The following NAV1 variants were observed in gnomAD, a reference collection of about 807,000 sequenced individuals.
The protein encoded by NAV1 is pore membrane and/or filament interacting like protein 3.
In NAV1, 18 loss-of-function variants were observed where a neutral mutation model predicts 175.2. The observed-to-expected ratio is 0.10, with a 90% confidence interval of 0.07 to 0.15. The LOEUF is 0.15. Among genes scored for constraint, NAV1 ranks in the 10% least tolerant of loss-of-function variants. NAV1 has a pLI of 1.00. For synonymous variants in NAV1, 897 were observed against 978.7 expected, an observed-to-expected ratio of 0.92 and a Z score of 1.56; for missense variants, 1,731 against 2,436.6, an observed-to-expected ratio of 0.71 and a Z score of 6.10.
intron 1 of NAV1, among the ~76,000 whole-genome samples, chr1:201,567,969 T>A (rs934442864): frequency 2.0e-5 from 3 of 152,142 alleles, no homozygotes; most frequent in Non-Finnish European, 4.4e-5. Flanking sequence ...CAGCTGTGTG[T>A]CCAGCTGTGT....
intron 3 of NAV1, among the ~76,000 whole-genome samples, chr1:201,752,993 G>T (rs369961508): frequency 7.3e-5 from 11 of 151,612 alleles, no homozygotes; most frequent in African/African-American, 2.7e-4. Flanking sequence ...AAAGAATGTA[G>T]GGGTAGTTTT....
exon 7 of NAV1, chr1:201,783,718 G>T (rs1282297520): frequency 6.2e-7 from 1 of 1,614,174 alleles, no homozygotes. Context: ...CCCTCCAGAT[G>T]CCAATGAGCC....
chr1:201,752,013 AT>A (rs1674139830), intron 3 of NAV1, among the ~76,000 whole-genome samples: 1 of 152,194 alleles, frequency 6.6e-6, no homozygotes, highest in South Asian at 2.1e-4. Flanking sequence ...GTCTTTCACA[AT>A]GCATTAGCTG....
At chr1:201,659,314 G>T (rs141558391) in intron 1 of NAV1, among the ~76,000 whole-genome samples, 2 of 152,198 alleles carry the variant, frequency 1.3e-5, no homozygotes, top group Non-Finnish European at 2.9e-5. Context: ...AGTTTTAAAG[G>T]AATATTTATA....
At position 201,765,874 on chromosome 1, in the gene NAV1, C is replaced by G. The variant is rs1280064253; in HGVS notation, c.1227-14547C>G. ...TGTAACCAGTCTGTAGGATTTAAAT[C>G]TGAATTTGGGCTTCCCTAGCTATGG... On this transcript the variant is annotated intron_variant, in intron 3 of 29. Coordinates refer to ENST00000367296, the Ensembl canonical transcript of NAV1. Among the ~76,000 whole-genome samples the G allele has an allele frequency of 3.3e-5, 5 of 152,270 alleles. No homozygotes were observed. The South Asian group carries it at 6.2e-4, about 19-fold the overall frequency.
At chr1:201,603,657 C>T (rs1210495238) in intron 2 of NAV1, among the ~76,000 whole-genome samples, 1 of 152,178 alleles carries the variant, frequency 6.6e-6, no homozygotes, top group Non-Finnish European at 1.5e-5. Context: ...AGTAGCCCCA[C>T]TCCAGACAGT....
At chr1:201,752,141 C>T (rs563061979) in intron 3 of NAV1, among the ~76,000 whole-genome samples, 1 of 152,136 alleles carries the variant, frequency 6.6e-6, no homozygotes, top group Non-Finnish European at 1.5e-5. Context: ...CAAGAGTAAG[C>T]AGTCCATGAA....
chr1:201,686,599 C>A (rs1670693128), intron 1 of NAV1, among the ~76,000 whole-genome samples: 1 of 152,186 alleles, frequency 6.6e-6, no homozygotes, highest in African/African-American at 2.4e-5. Context: ...AACTGAAAAT[C>A]TTGTGATCTT....
intron 3 of NAV1, among the ~76,000 whole-genome samples, chr1:201,777,342 G>A (rs1676021793): frequency 6.6e-6 from 1 of 152,180 alleles, no homozygotes; most frequent in Admixed American, 6.5e-5. Flanking sequence ...TTTGAAGGAT[G>A]CACAGAAAAC....
chr1:201,662,622 G>T (rs1275935634), intron 1 of NAV1, among the ~76,000 whole-genome samples: 1 of 152,178 alleles, frequency 6.6e-6, no homozygotes, highest in Non-Finnish European at 1.5e-5. Flanking sequence ...ACCCACAGCA[G>T]GGGGGGTAAT....
At chr1:201,684,785 TA>T (rs974487833) in intron 1 of NAV1, among the ~76,000 whole-genome samples, 50 of 150,016 alleles carry the variant, frequency 3.3e-4, no homozygotes, top group African/African-American at 1.0e-3. Flanking sequence ...TATGCAGCTT[TA>T]AAAAACCCCA....
At chr1:201,690,104 G>A (rs552184342) in intron 1 of NAV1, among the ~76,000 whole-genome samples, 2 of 120,722 alleles carry the variant, frequency 1.7e-5, no homozygotes, top group East Asian at 2.7e-4. Flanking sequence ...TGGCCTGTCC[G>A]TGGCAGAGTA....
chr1:201,725,387 C>T (rs566721810), intron 3 of NAV1, among the ~76,000 whole-genome samples: 1 of 152,290 alleles, frequency 6.6e-6, no homozygotes, highest in East Asian at 1.9e-4. Flanking sequence ...GGGGGCCATC[C>T]TCGGGAGGAC....
At chr1:201,820,747 T>C (rs1437127503) in exon 30 of NAV1, 2 of 152,198 alleles carry the variant, frequency 1.3e-5, no homozygotes, top group Admixed American at 1.3e-4. Context: ...TAAACCCTAC[T>C]TTTTTATTTT....
chr1:201,639,248 T>G (rs1668684881), intron 2 of NAV1, among the ~76,000 whole-genome samples: 1 of 152,208 alleles, frequency 6.6e-6, no homozygotes, highest in Admixed American at 6.5e-5. Flanking sequence ...TACTGCGTGT[T>G]GGCCAGCACT....
intron 15 of NAV1, among the ~76,000 whole-genome samples, chr1:201,801,299 TA>T (rs1677852139): frequency 6.6e-6 from 1 of 152,214 alleles, no homozygotes; most frequent in Admixed American, 6.5e-5. Flanking sequence ...AATTAGAGTT[TA>T]AAAGATCCAT....
chr1:201,766,586 A>G (rs1675222814), intron 3 of NAV1, among the ~76,000 whole-genome samples: 1 of 152,146 alleles, frequency 6.6e-6, no homozygotes, highest in Admixed American at 6.5e-5. Context: ...TCCGAGGACT[A>G]TGGCTCATAA....
At chr1:201,629,434 C>A in exon 2 of NAV1, 1 of 1,304,130 alleles carries the variant, frequency 7.7e-7, no homozygotes, top group Non-Finnish European at 1.0e-6. Flanking sequence ...CTGGCCCCCT[C>A]TCCCAGGGCA....
At chr1:201,759,918 C>T (rs142431425) in intron 3 of NAV1, among the ~76,000 whole-genome samples, 23 of 152,196 alleles carry the variant, frequency 1.5e-4, no homozygotes, top group African/African-American at 5.3e-4. Context: ...CCTTGCAATA[C>T]ATTGAAGCTC....
Sources: gnomAD v4.1 joint callset for allele counts (sites outside exome capture counted in the v4.1 genomes callset) on GRCh38, gnomAD v4.1.1 for gene constraint, MANE v1.5 for transcripts, NCBI Gene and HGNC (gene_info 2026-07-23, HGNC 2026-07-21) for gene names.